Variants in PRAG1 observed in about 807,000 individuals in gnomAD.
PRAG1 encodes the protein PEAK1 related, kinase-activating pseudokinase 1, also known as inactive tyrosine-protein kinase PRAG1.
PRAG1 carries 110 observed loss-of-function variants against 95.6 expected under a neutral mutation model. The observed-to-expected ratio is 1.15, with a 90% CI of 0.99 to 1.35. The LOEUF is 1.35. Ranked by LOEUF, PRAG1 falls within the 40% of genes most tolerant of loss-of-function variation. The pLI, the probability that PRAG1 is intolerant of heterozygous loss-of-function variation, is 0.00. For missense variants in PRAG1, 2,554 were observed against 1,864.7 expected, an observed-to-expected ratio of 1.37 and a Z score of -6.81; for synonymous variants, 1,052 against 819.4, an observed-to-expected ratio of 1.28 and a Z score of -4.85.
chr8:8,359,585 G>C (rs1240937642), intron 3 of PRAG1, among the ~76,000 whole-genome samples: 1 of 152,144 alleles, frequency 6.6e-6, no homozygotes, highest in African/African-American at 2.4e-5. Context: ...ATTGGATGAG[G>C]ACATACAAGG....
intron 4 of PRAG1, among the ~76,000 whole-genome samples, chr8:8,338,096 T>C (rs1443729999): frequency 6.6e-6 from 1 of 152,212 alleles, no homozygotes; most frequent in Non-Finnish European, 1.5e-5. Flanking sequence ...TCATAAAGTC[T>C]TCCCTAAACC....
intron 3 of PRAG1, among the ~76,000 whole-genome samples, chr8:8,365,142 C>A (rs901674475): frequency 9.9e-5 from 15 of 152,148 alleles, no homozygotes; most frequent in Admixed American, 2.0e-4. Context: ...GATGGTCTGT[C>A]TTTTCACCAG....
chr8:8,327,662 A>G, intron 5 of PRAG1, 48 bp downstream of exon 5: 1 of 1,569,492 alleles, frequency 6.4e-7, no homozygotes, highest in African/African-American at 1.3e-5. Flanking sequence ...TGCCCAAGCC[A>G]GCACCAGCCA....
intron 3 of PRAG1, among the ~76,000 whole-genome samples, chr8:8,341,334 GCA>G (rs141309841): frequency 5.3e-5 from 8 of 151,600 alleles, no homozygotes; most frequent in African/African-American, 1.9e-4. Flanking sequence ...ATATACATAT[GCA>G]CACACACACA....
In PRAG1 at chr8:8,328,146, G is replaced by A. The variant is rs375255385; in HGVS notation, c.2636C>T (p.Ser879Phe). 6 of 1,614,264 alleles carry A rather than the reference G, an allele frequency of 3.7e-6. No individual in the cohort carries two copies. Among genetic ancestry groups the A allele is most frequent in the Non-Finnish European group, 5.1e-6 (6 of 1,180,050 alleles). Residue 879 changes from serine to phenylalanine, a missense_variant, in exon 5 of 6, where the codon TCC becomes TTC. Transcript: ENST00000615670. ...GNRHHPVFSS[S>F]DPLEKAFKGS... ...TTTGAAAGCTTTCTCCAGAGGATCG[G>A]AAGAGGAGAAGACAGGATGGTGGCG...
At chr8:8,378,244 C>T (rs1323588184) in intron 2 of PRAG1, among the ~76,000 whole-genome samples, 166 bp from the exon 3 acceptor site, 1 of 152,204 alleles carries the variant, frequency 6.6e-6, no homozygotes, top group African/African-American at 2.4e-5. Context: ...TTCTCATCTC[C>T]CCACGGCCCT....
chr8:8,381,767 G>C lies in PRAG1; in HGVS notation c.-20C>G. ...GTGCATCTTGAGCCGACAGGGTGCT[G>C]GTTCATCTTGCGCCCGGCTCTCTGG... On this transcript the variant is annotated 5_prime_UTR_variant, in exon 2 of 6. Transcript: ENST00000615670. 6.5e-7 allele frequency: 1 copy of C among 1,546,398 alleles called. No individual in the cohort carries two copies. The highest frequency in any genetic ancestry group is 8.8e-7 in the Non-Finnish European group (1 of 1,142,344).
Position 8,377,092 on chromosome 8 carries a change from G to A in PRAG1, c.1317C>T (p.Ala439=), listed in dbSNP as rs1178006596. The change falls in exon 3 of 6, where the codon GCC becomes GCT. Residue 439 remains alanine, a synonymous_variant. Transcript: ENST00000615670. ...SQAKIEHAAA[A]QGQGQVCTGN... ...CTGTGCATACCTGGCCTTGGCCCTG[G>A]GCAGCAGCTGCATGTTCTATCTTGG... The A allele has an allele frequency of 1.2e-6, 2 of 1,613,738 alleles. No individual in the cohort carries two copies. The highest frequency in any genetic ancestry group is 1.7e-6 in the Non-Finnish European group (2 of 1,180,026).
At chr8:8,348,741 G>C (rs1414460862) in intron 3 of PRAG1, among the ~76,000 whole-genome samples, 2 of 152,050 alleles carry the variant, frequency 1.3e-5, no homozygotes, top group African/African-American at 4.8e-5. Context: ...TCATCCTTCT[G>C]TAACTGACAC....
Position 8,376,642 on chromosome 8 carries a change from G to A in PRAG1, c.1767C>T (p.Ser589=), listed in dbSNP as rs777946477. 3.7e-6 allele frequency: 6 copies of A among 1,607,366 alleles called. No homozygotes were observed. Among genetic ancestry groups the A allele is most frequent in the Non-Finnish European group, 5.1e-6 (6 of 1,176,934 alleles). The part of the protein sequence containing the change: ...GGSSIGPQPP[S]QGPADPAPSC... ...AAGGAGCGGGGTCAGCAGGACCTTG[G>A]GATGGAGGCTGGGGCCCAATGCTGC... Residue 589 remains serine, a synonymous_variant, in exon 3 of 6, where the codon TCC becomes TCT. Coordinates refer to ENST00000615670, the MANE Select transcript of PRAG1 (RefSeq NM_001080826.3).
chr8:8,342,442 C>G lies in PRAG1; in HGVS notation c.2163-2807G>C, dbSNP rs561555135. Among the ~76,000 whole-genome samples, 5 of 152,082 alleles carry G rather than the reference C, an allele frequency of 3.3e-5. No homozygotes were observed. In the East Asian group the frequency reaches 9.8e-4, roughly 30 times the overall value. On this transcript the variant is annotated intron_variant, in intron 3 of 5. Coordinates refer to ENST00000615670, the MANE Select transcript of PRAG1 (RefSeq NM_001080826.3). Reference sequence around the variant, plus strand: ...CGACCCCCTGACCTCGTGATCTGCCCGCCTCGGCCTCCCAAAGTACTGGGA... The same window carrying G: ...CGACCCCCTGACCTCGTGATCTGCCGGCCTCGGCCTCCCAAAGTACTGGGA...
At chr8:8,341,736 T>C (rs920737212) in intron 3 of PRAG1, among the ~76,000 whole-genome samples, 2 of 152,248 alleles carry the variant, frequency 1.3e-5, no homozygotes, top group Non-Finnish European at 2.9e-5. Context: ...TTTACTCATA[T>C]TTAGTTTAAG....
intron 2 of PRAG1, among the ~76,000 whole-genome samples, chr8:8,378,456 T>C (rs1342107497): frequency 6.6e-6 from 1 of 152,180 alleles, no homozygotes; most frequent in South Asian, 2.1e-4. Context: ...GATTGGAAAA[T>C]GGAGCTTGGG....
At chr8:8,380,318 G>A (rs1473142282) in intron 2 of PRAG1, among the ~76,000 whole-genome samples, 1 of 151,956 alleles carries the variant, frequency 6.6e-6, no homozygotes, top group Non-Finnish European at 1.5e-5. Context: ...AAAAAAATAG[G>A]CCAGGCGCGG....
Position 8,377,642 on chromosome 8 carries a change from A to G in PRAG1, c.767T>C (p.Ile256Thr). 1 of 1,613,600 alleles carries G rather than the reference A, an allele frequency of 6.2e-7. No individual in the cohort carries two copies. The highest frequency in any genetic ancestry group is 8.5e-7 in the Non-Finnish European group (1 of 1,179,988). ...AGGGCTCCCAGGGCAGCAGTCCAGG[A>G]TGGAGCAGTACTCTCCACCCTCGCT... ...GDSEGGEYCS[I>T]LDCCPGSPVA... is the part of the protein sequence containing the mutation. Residue 256 changes from isoleucine (I) to threonine (T), a missense_variant, in exon 3 of 6, where the codon ATC becomes ACC. Coordinates refer to ENST00000615670, the MANE Select transcript of PRAG1 (RefSeq NM_001080826.3).
chr8:8,366,038 G>C (rs1258913815), intron 3 of PRAG1, among the ~76,000 whole-genome samples: 3 of 152,052 alleles, frequency 2.0e-5, no homozygotes, highest in East Asian at 1.9e-4. Context: ...TGCTTAATAA[G>C]ATTTAAGGAT....
intron 4 of PRAG1, among the ~76,000 whole-genome samples, chr8:8,337,757 C>T (rs901486014): frequency 2.0e-5 from 3 of 152,138 alleles, no homozygotes; most frequent in East Asian, 1.9e-4. Flanking sequence ...CATGAGAAAA[C>T]GTCTGAATAG....
chr8:8,331,976 C>G (rs766974266), intron 4 of PRAG1, among the ~76,000 whole-genome samples: 5 of 152,274 alleles, frequency 3.3e-5, no homozygotes, highest in Admixed American at 6.5e-5. Flanking sequence ...GGGCACCAAA[C>G]TCAGTACTCG....
At chr8:8,328,595 C>CTATTTG in intron 4 of PRAG1, 134 bp from the exon 5 acceptor site, 1 of 992,604 alleles carries the variant, frequency 1.0e-6, no homozygotes, top group South Asian at 1.7e-5. Flanking sequence ...TTTTCTATTT[C>CTATTTG]TCTAATAGAC....
Sources: allele counts gnomAD v4.1 joint callset (sites outside exome capture counted in the v4.1 genomes callset), GRCh38; gene constraint gnomAD v4.1.1; transcripts MANE v1.5; gene names NCBI Gene and HGNC (gene_info 2026-07-23, HGNC 2026-07-21).